The following SP100 variants were observed in gnomAD, a reference collection of about 807,000 sequenced individuals.
SP100 encodes the protein SP100 nuclear body protein, also known as nuclear autoantigen Sp-100.
Under a neutral mutation model 130.0 loss-of-function variants are expected in SP100, and 84 were observed. The observed-to-expected ratio is 0.65, with a 90% CI of 0.54 to 0.77. The LOEUF (loss-of-function observed/expected upper bound fraction) is 0.77, where lower values mean the gene tolerates loss of function less well. Ranked by LOEUF, SP100 falls within the 30% of genes least tolerant of loss-of-function variation. The pLI, the probability that SP100 is intolerant of heterozygous loss-of-function variation, is 0.00. For missense variants in SP100, 978 were observed against 1,052.2 expected (o/e 0.93, Z 0.97); for synonymous variants, 331 against 351.7 (o/e 0.94, Z 0.66).
chr2:230,448,459 C>CA (rs1451729340), intron 5 of SP100, among the ~76,000 whole-genome samples: 1 of 152,072 alleles, frequency 6.6e-6, no homozygotes, highest in Non-Finnish European at 1.5e-5. Flanking sequence ...ATGGAGTTTA[C>CA]ATAGGGTCAG....
chr2:230,498,055 A>G (rs2066794239), intron 18 of SP100, among the ~76,000 whole-genome samples: 1 of 152,160 alleles, frequency 6.6e-6, no homozygotes, highest in African/African-American at 2.4e-5. Context: ...AAGTTTCTTC[A>G]TTGGTCATAG....
chr2:230,444,976 A>G (rs1434295134), intron 4 of SP100, among the ~76,000 whole-genome samples: 1 of 152,204 alleles, frequency 6.6e-6, no homozygotes, highest in Non-Finnish European at 1.5e-5. Flanking sequence ...GGCTACCTTT[A>G]TTAGGTTTCC....
chr2:230,420,033 A>T (rs948290491), intron 2 of SP100, among the ~76,000 whole-genome samples: 3 of 152,204 alleles, frequency 2.0e-5, no homozygotes, highest in Non-Finnish European at 4.4e-5. Context: ...TTTATGTTTT[A>T]AAAAAATCCT....
chr2:230,530,920 C>G (rs1691670463), intron 24 of SP100, among the ~76,000 whole-genome samples: 1 of 152,188 alleles, frequency 6.6e-6, no homozygotes, highest in African/African-American at 2.4e-5. Context: ...CAGGAAACAA[C>G]AGATGCTGGA....
chr2:230,444,471 G>C, intron 4 of SP100, 125 bp downstream of exon 4: 1 of 730,594 alleles, frequency 1.4e-6, no homozygotes, highest in Non-Finnish European at 2.3e-6. Context: ...TAACAAAATA[G>C]ACATGCCATG....
chr2:230,461,194 A>ATATC, intron 8 of SP100, 68 bp from the exon 9 acceptor site: 1 of 1,455,224 alleles, frequency 6.9e-7, no homozygotes, highest in Non-Finnish European at 9.5e-7. Flanking sequence ...AGAGAGGGGG[A>ATATC]GTTATTAATG....
chr2:230,416,831 T>C, intron 1 of SP100: 1 of 985,610 alleles, frequency 1.0e-6, no homozygotes, highest in Non-Finnish European at 1.2e-6. Flanking sequence ...GTCTGAGTTC[T>C]TATTCCATCA....
intron 17 of SP100, among the ~76,000 whole-genome samples, chr2:230,490,653 T>C (rs1174986152): frequency 6.6e-6 from 1 of 152,218 alleles, no homozygotes; most frequent in Admixed American, 6.5e-5. Context: ...TTTTAGTGCT[T>C]CTTTCAGGAG....
chr2:230,491,491 G>A (rs541260007), intron 17 of SP100, among the ~76,000 whole-genome samples: 1 of 152,302 alleles, frequency 6.6e-6, no homozygotes, highest in African/African-American at 2.4e-5. Context: ...ACACATCTTG[G>A]GACCAAGCCA....
chr2:230,474,366 T>C, intron 16 of SP100, 28 bp from the exon 17 acceptor site: 1 of 1,324,436 alleles, frequency 7.6e-7, no homozygotes, highest in Non-Finnish European at 1.1e-6. Flanking sequence ...AAATTACAGT[T>C]CTCTGACCAC....
chr2:230,421,488 G>A (rs2062767299), intron 2 of SP100, among the ~76,000 whole-genome samples: 1 of 122,538 alleles, frequency 8.2e-6, no homozygotes, highest in African/African-American at 3.2e-5. Flanking sequence ...CTGACTAAGA[G>A]TTTATAGAAG....
intron 24 of SP100, among the ~76,000 whole-genome samples, chr2:230,523,179 C>T (rs1691256647): frequency 6.6e-6 from 1 of 152,216 alleles, no homozygotes; most frequent in South Asian, 2.1e-4. Flanking sequence ...ACAGCCTTCA[C>T]CAGATAACAT....
intron 8 of SP100, among the ~76,000 whole-genome samples, chr2:230,455,262 T>C (rs10191049): frequency 0.63 from 96,071 of 151,932 alleles, 31,393 homozygotes; most frequent in Non-Finnish European, 0.7. Context: ...CAGGATTGCC[T>C]TATGTTGCCC....
chr2:230,539,423 G>T, intron 25 of SP100, 41 bp downstream of exon 25: 1 of 1,386,468 alleles, frequency 7.2e-7, no homozygotes, highest in Non-Finnish European at 1.0e-6. Flanking sequence ...CTTCCTTCTT[G>T]TGGTACAGCT....
At chr2:230,514,369 A>T (rs1690781145) in intron 24 of SP100, among the ~76,000 whole-genome samples, 1 of 152,220 alleles carries the variant, frequency 6.6e-6, no homozygotes, top group African/African-American at 2.4e-5. Context: ...GGGGAAAAAA[A>T]ACCTGTTCCA....
In SP100 at chr2:230,541,899, AGG is replaced by A. The variant is rs770045647; in HGVS notation, c.2414_2415del (p.Gly805ValfsTer19). 2 of 1,613,932 alleles carry A rather than the reference AGG, an allele frequency of 1.2e-6. No individual in the cohort carries two copies. Among genetic ancestry groups the A allele is most frequent in the Middle Eastern group, 1.7e-4 (1 of 6,048 alleles). On this transcript the variant is annotated frameshift_variant, in exon 28 of 29. Coordinates refer to ENST00000340126, the MANE Select transcript of SP100 (RefSeq NM_001080391.2). LOFTEE classifies it high-confidence loss of function. ...TGGTCTTTTACTCAACAGAACAGAGAGGGGTCTCAGGGCCCACAGAAGCCCAT... is the reference window on the plus strand; with the variant it reads ...TGGTCTTTTACTCAACAGAACAGAGAGGTCTCAGGGCCCACAGAAGCCCAT...
chr2:230,461,990 A>G (rs190354642), intron 9 of SP100, among the ~76,000 whole-genome samples: 332 of 151,918 alleles, frequency 2.2e-3, no homozygotes, highest in African/African-American at 6.4e-3. Flanking sequence ...AAAAATAAAA[A>G]AGAGAGGAAG....
chr2:230,443,942 T>G (rs1288927878), intron 3 of SP100, among the ~76,000 whole-genome samples: 1 of 152,224 alleles, frequency 6.6e-6, no homozygotes. Flanking sequence ...AAATTTCCCC[T>G]TTTTGCATCT....
chr2:230,427,066 C>T (rs1213021701), intron 2 of SP100, among the ~76,000 whole-genome samples: 2 of 152,024 alleles, frequency 1.3e-5, no homozygotes, highest in African/African-American at 4.8e-5. Context: ...AATATAGTCA[C>T]CTCTGCTGTC....
Sources: gnomAD v4.1 joint callset for allele counts (sites outside exome capture counted in the v4.1 genomes callset) on GRCh38, gnomAD v4.1.1 for gene constraint, MANE v1.5 for transcripts, NCBI Gene and HGNC (gene_info 2026-07-23, HGNC 2026-07-21) for gene names.